The following GNAT3 variants were observed in gnomAD, a reference collection of about 807,000 sequenced individuals.
GNAT3 encodes the protein G protein subunit alpha transducin 3.
In GNAT3, 31 loss-of-function variants were observed where a neutral mutation model predicts 37.7. The ratio of observed to expected loss-of-function variants is 0.82; its 90% CI spans 0.62 to 1.11. The LOEUF (loss-of-function observed/expected upper bound fraction) is 1.11, where lower values mean the gene tolerates loss of function less well. Among genes scored for constraint, GNAT3 ranks in the 50% most tolerant of loss-of-function variants. The pLI is 0.00. For synonymous variants in GNAT3, 138 were observed against 139.8 expected (o/e 0.99, Z 0.09); for missense variants, 437 against 412.5 (o/e 1.06, Z -0.51).
chr7:80,486,450 CT>C (rs879699399), intron 3 of GNAT3: 275 of 142,610 alleles, frequency 1.9e-3, no homozygotes, highest in Middle Eastern at 3.7e-3. Flanking sequence ...TCTCATCTCA[CT>C]TTTTTTTTTT....
intron 3 of GNAT3, among the ~76,000 whole-genome samples, chr7:80,483,759 T>A (rs951636176): frequency 2.6e-5 from 4 of 152,084 alleles, no homozygotes; most frequent in African/African-American, 7.2e-5. Flanking sequence ...CACTTCCTTT[T>A]TCACTCAAGT....
At chr7:80,496,249 G>A (rs2116211176) in intron 1 of GNAT3, among the ~76,000 whole-genome samples, 2 of 152,270 alleles carry the variant, frequency 1.3e-5, no homozygotes, top group Admixed American at 1.3e-4. Flanking sequence ...TCCTGCCTCA[G>A]CCTCCTGAGT....
chr7:80,479,386 A>T (rs1320173056), intron 3 of GNAT3, among the ~76,000 whole-genome samples: 1 of 151,996 alleles, frequency 6.6e-6, no homozygotes, highest in East Asian at 1.9e-4. Context: ...TCTTTTTTTA[A>T]TCATCGCCAT....
chr7:80,473,138 A>G (rs1001931099), intron 5 of GNAT3, among the ~76,000 whole-genome samples: 2 of 152,176 alleles, frequency 1.3e-5, no homozygotes, highest in Non-Finnish European at 2.9e-5. Flanking sequence ...AAGACTGACG[A>G]CAAACTTTTC....
At chr7:80,494,531 G>C (rs547455402) in intron 2 of GNAT3, 74 bp downstream of exon 2, 10 of 787,720 alleles carry the variant, frequency 1.3e-5, no homozygotes, top group Non-Finnish European at 2.1e-5. Flanking sequence ...ATTTACAAAA[G>C]CATGTATTTT....
intron 3 of GNAT3, among the ~76,000 whole-genome samples, chr7:80,481,335 A>G (rs1312687647): frequency 6.6e-6 from 1 of 152,128 alleles, no homozygotes. Context: ...CAGAATTCCA[A>G]AGTAAACCTG....
At chr7:80,468,337 A>C (rs1790157541) in intron 5 of GNAT3, among the ~76,000 whole-genome samples, 1 of 152,092 alleles carries the variant, frequency 6.6e-6, no homozygotes, top group African/African-American at 2.4e-5. Flanking sequence ...ATTATTATAT[A>C]ATCTAGAGTA....
At chr7:80,466,040 CA>C (rs1037983431) in intron 5 of GNAT3, among the ~76,000 whole-genome samples, 20 of 152,036 alleles carry the variant, frequency 1.3e-4, no homozygotes, top group Admixed American at 3.3e-4. Flanking sequence ...GTTTTTAACC[CA>C]TAAGGATTTC....
At chr7:80,477,310 A>G (rs1362825660) in intron 4 of GNAT3, among the ~76,000 whole-genome samples, 1 of 152,184 alleles carries the variant, frequency 6.6e-6, no homozygotes, top group African/African-American at 2.4e-5. Context: ...ATATTCCACA[A>G]TTCAGCTTCT....
At chr7:80,460,907 CTT>C (rs1488741205) in intron 7 of GNAT3, among the ~76,000 whole-genome samples, 1 of 152,030 alleles carries the variant, frequency 6.6e-6, no homozygotes, top group Admixed American at 6.6e-5. Flanking sequence ...CATGGGAACT[CTT>C]TGTACTTTCT....
chr7:80,479,316 AG>A (rs1296821690), intron 3 of GNAT3, among the ~76,000 whole-genome samples: 1 of 152,154 alleles, frequency 6.6e-6, no homozygotes, highest in Non-Finnish European at 1.5e-5. Flanking sequence ...AGTTTGCAAA[AG>A]GTCTACATAT....
chr7:80,470,755 G>A (rs1221226106), intron 5 of GNAT3, among the ~76,000 whole-genome samples: 5 of 151,896 alleles, frequency 3.3e-5, no homozygotes, highest in African/African-American at 4.8e-5. Flanking sequence ...GTACCAAAGG[G>A]GGTCTGGAGG....
intron 4 of GNAT3, among the ~76,000 whole-genome samples, chr7:80,476,650 C>T (rs567047091): frequency 1.3e-5 from 2 of 151,044 alleles, no homozygotes; most frequent in Admixed American, 6.6e-5. Context: ...TTACTTTTAC[C>T]AGAAAAAGAA....
intron 1 of GNAT3, among the ~76,000 whole-genome samples, chr7:80,511,334 T>G (rs1791060891): frequency 6.6e-6 from 1 of 152,130 alleles, no homozygotes; most frequent in Non-Finnish European, 1.5e-5. Flanking sequence ...TACCTTATCA[T>G]TGTTCTCTAA....
At chr7:80,488,751 C>A in intron 2 of GNAT3, 75 bp from the exon 3 acceptor site, 1 of 1,126,648 alleles carries the variant, frequency 8.9e-7, no homozygotes, top group South Asian at 1.5e-5. Context: ...AACTAAGTTG[C>A]TTGAATAAAA....
chr7:80,494,665 GAAT>G lies in GNAT3; in HGVS notation c.119-21_119-19del. The G allele has an allele frequency of 7.0e-7, 1 of 1,432,968 alleles. No individual in the cohort carries two copies. 88.8% of individuals were successfully genotyped at this position (1,432,968 alleles called of 1,614,324 possible). A position where few individuals can be genotyped will look rare whatever the true frequency, so the allele number is the denominator to read the frequency against. On this transcript the variant is annotated intron_variant, in intron 1 of 7. Transcript: ENST00000398291. ...TCCTGCTCCTGCAACATAAAAAGAG[GAAT>G]ATTATTAACTGATATACCAAATTTG...
chr7:80,492,302 C>T (rs1157193365), intron 2 of GNAT3, among the ~76,000 whole-genome samples: 4 of 151,848 alleles, frequency 2.6e-5, no homozygotes, highest in Non-Finnish European at 4.4e-5. Flanking sequence ...CAAGATTGTG[C>T]CACTGCACTC....
intron 4 of GNAT3, 103 bp from the exon 5 acceptor site, chr7:80,474,482 T>C (rs1400737330): frequency 9.6e-6 from 4 of 415,668 alleles, no homozygotes; most frequent in South Asian, 6.8e-5. Context: ...TGTGTGTATA[T>C]ATATATATTT....
intron 1 of GNAT3, among the ~76,000 whole-genome samples, chr7:80,497,407 A>G (rs183565560): frequency 1.3e-5 from 2 of 152,094 alleles, no homozygotes; most frequent in East Asian, 3.9e-4. Context: ...AAAGTCATAC[A>G]ATAATATTAT....
Sources: allele counts gnomAD v4.1 joint callset (sites outside exome capture counted in the v4.1 genomes callset), GRCh38; gene constraint gnomAD v4.1.1; transcripts MANE v1.5; gene names NCBI Gene and HGNC (gene_info 2026-07-23, HGNC 2026-07-21).